STK39: variants seen among roughly 807,000 people sequenced by gnomAD.
STK39 encodes the protein STE20/SPS1-related proline-alanine-rich protein kinase.
A neutral mutation model predicts 77.8 loss-of-function variants in STK39; 20 were observed. That is an observed-to-expected ratio of 0.26 (90% CI 0.18 to 0.37). The LOEUF is 0.37. STK39 is among the 10% of genes least tolerant of loss of function. The pLI, the probability that STK39 is intolerant of heterozygous loss-of-function variation, is 1.00. For missense variants in STK39, 479 were observed against 656.5 expected (o/e 0.73, Z 2.95); for synonymous variants, 246 against 234.1 (o/e 1.05, Z -0.47).
intron 1 of STK39, among the ~76,000 whole-genome samples, chr2:168,192,884 C>G (rs993919815): frequency 6.6e-6 from 1 of 152,156 alleles, no homozygotes; most frequent in Non-Finnish European, 1.5e-5. Flanking sequence ...TCCCTATGAT[C>G]AGCTCTGCTC....
At chr2:168,021,234 T>C (rs1345732343) in intron 14 of STK39, among the ~76,000 whole-genome samples, 1 of 152,180 alleles carries the variant, frequency 6.6e-6, no homozygotes, top group Admixed American at 6.5e-5. Flanking sequence ...GCTTCAAATA[T>C]TAATAACACA....
intron 16 of STK39, among the ~76,000 whole-genome samples, chr2:167,995,120 T>C (rs976908095): frequency 6.6e-6 from 1 of 151,750 alleles, no homozygotes; most frequent in African/African-American, 2.4e-5. Context: ...GTTTTGTTTT[T>C]TGTTTTTGAG....
At chr2:168,228,411 G>A (rs1364144558) in intron 1 of STK39, among the ~76,000 whole-genome samples, 2 of 152,092 alleles carry the variant, frequency 1.3e-5, no homozygotes, top group Non-Finnish European at 2.9e-5. Flanking sequence ...CTTGGGTGAT[G>A]AGGTTACTTT....
intron 14 of STK39, among the ~76,000 whole-genome samples, chr2:168,042,026 C>T (rs763061548): frequency 1.2e-4 from 18 of 152,148 alleles, no homozygotes; most frequent in Non-Finnish European, 2.4e-4. Context: ...TCCTATAGGT[C>T]TACTTTTGTC....
intron 12 of STK39, among the ~76,000 whole-genome samples, chr2:168,071,966 A>C (rs1030382861): frequency 5.3e-5 from 8 of 152,166 alleles, no homozygotes; most frequent in African/African-American, 1.9e-4. Flanking sequence ...CCTGAAATAC[A>C]TACACAAAAA....
chr2:168,088,546 A>C lies in STK39; in HGVS notation c.1090-13315T>G, dbSNP rs566081246. Among the ~76,000 whole-genome samples, 107 of 152,334 alleles carry C rather than the reference A, an allele frequency of 7.0e-4. 1 individual carries two copies. The highest frequency in any genetic ancestry group is 2.5e-3 in the African/African-American group (105 of 41,576). On this transcript the variant is annotated intron_variant, in intron 10 of 17. Coordinates refer to ENST00000355999, the MANE Select transcript of STK39 (RefSeq NM_013233.3). ...ACTGTTGATCAGAGTGTGAGTTTCA[A>C]ATAGAAACATGTTTTTATTCTTCCT...
intron 2 of STK39, among the ~76,000 whole-genome samples, chr2:168,180,680 A>C (rs1056517633): frequency 6.6e-6 from 1 of 152,218 alleles, no homozygotes; most frequent in Non-Finnish European, 1.5e-5. Context: ...TGACAAAGGC[A>C]CAATATTACT....
intron 1 of STK39, among the ~76,000 whole-genome samples, chr2:168,234,479 A>G (rs1409700749): frequency 6.6e-6 from 1 of 152,224 alleles, no homozygotes; most frequent in Admixed American, 6.5e-5. Flanking sequence ...TTGTTATAAA[A>G]TATCAGCCCC....
intron 10 of STK39, among the ~76,000 whole-genome samples, chr2:168,089,762 C>T (rs1026267823): frequency 7.9e-5 from 12 of 152,116 alleles, no homozygotes; most frequent in South Asian, 6.2e-4. Flanking sequence ...TACAGGCGCC[C>T]GCCACCACGC....
intron 1 of STK39, among the ~76,000 whole-genome samples, chr2:168,225,588 T>C (rs1343475515): frequency 6.6e-6 from 1 of 152,230 alleles, no homozygotes; most frequent in Non-Finnish European, 1.5e-5. Flanking sequence ...TTTCCCAATT[T>C]ACAATCCATA....
Position 168,035,037 on chromosome 2 carries a change from C to T in STK39, c.1377-17942G>A, listed in dbSNP as rs576849608. On this transcript the variant is annotated intron_variant, in intron 14 of 17. Coordinates refer to ENST00000355999, the MANE Select transcript of STK39 (RefSeq NM_013233.3). The stretch of plus-strand genomic sequence containing the variant: ...TAGAGCTTGTATCTGACTGCCAAAC[C>T]GCCATGTATTTGAAAGACTTGGAAC... Among the ~76,000 whole-genome samples, 60 of 152,274 alleles carry T rather than the reference C, an allele frequency of 3.9e-4. 1 individual carries two copies. Among genetic ancestry groups the T allele is most frequent in the African/African-American group, 6.5e-4 (27 of 41,550 alleles).
At chr2:168,105,931 T>A (rs1431940020) in intron 10 of STK39, among the ~76,000 whole-genome samples, 1 of 152,226 alleles carries the variant, frequency 6.6e-6, no homozygotes, top group Non-Finnish European at 1.5e-5. Flanking sequence ...GCAGTCCTAG[T>A]GTACAAACCC....
chr2:168,156,360 A>G (rs940986128), intron 5 of STK39, among the ~76,000 whole-genome samples: 1 of 152,144 alleles, frequency 6.6e-6, no homozygotes. Flanking sequence ...GCTTTATTCC[A>G]TCAACAATGC....
At chr2:168,169,494 G>T (rs756656408) in intron 2 of STK39, among the ~76,000 whole-genome samples, 3 of 152,104 alleles carry the variant, frequency 2.0e-5, no homozygotes, top group Non-Finnish European at 4.4e-5. Flanking sequence ...ACAACTAATG[G>T]TCATACAAAA....
chr2:168,243,371 T>C (rs924488776), intron 1 of STK39, among the ~76,000 whole-genome samples: 6 of 152,266 alleles, frequency 3.9e-5, no homozygotes, highest in Non-Finnish European at 8.8e-5. Flanking sequence ...GGATAAACAA[T>C]GCCTCACAGG....
intron 15 of STK39, among the ~76,000 whole-genome samples, chr2:168,016,815 T>G (rs1574394730): frequency 6.6e-6 from 1 of 152,204 alleles, no homozygotes; most frequent in Admixed American, 6.5e-5. Context: ...ATCTAACTTA[T>G]ATTGGTATGT....
chr2:168,063,930 C>T (rs1262723312), intron 13 of STK39, among the ~76,000 whole-genome samples: 1 of 152,146 alleles, frequency 6.6e-6, no homozygotes, highest in African/African-American at 2.4e-5. Context: ...CACCTTAAAC[C>T]CTGCAATGCA....
chr2:168,136,451 T>G (rs1317302727), intron 8 of STK39, among the ~76,000 whole-genome samples: 4 of 151,940 alleles, frequency 2.6e-5, no homozygotes. Context: ...CCAAATCACA[T>G]ACAAATCTCC....
intron 14 of STK39, among the ~76,000 whole-genome samples, chr2:168,054,959 CG>C (rs1210238751): frequency 6.6e-6 from 1 of 152,158 alleles, no homozygotes; most frequent in Non-Finnish European, 1.5e-5. Context: ...GTCACTTGTG[CG>C]GGATCTGATC....
Sources: gnomAD v4.1 joint callset for allele counts (sites outside exome capture counted in the v4.1 genomes callset) on GRCh38, gnomAD v4.1.1 for gene constraint, MANE v1.5 for transcripts, NCBI Gene and HGNC (gene_info 2026-07-23, HGNC 2026-07-21) for gene names.